Variants in DPYD observed in about 807,000 individuals in gnomAD.
DPYD encodes dihydropyrimidine dehydrogenase.
DPYD carries 109 observed loss-of-function variants against 116.2 expected under a neutral mutation model. The observed-to-expected ratio is 0.94, with a 90% CI of 0.80 to 1.10. The LOEUF (loss-of-function observed/expected upper bound fraction) is 1.10, where lower values mean the gene tolerates loss of function less well. Among genes scored for constraint, DPYD ranks in the 50% least tolerant of loss-of-function variants. The probability of loss-of-function intolerance (pLI) is 0.00; values close to 1 mark genes in which losing one functional copy is unlikely to be tolerated. For synonymous variants in DPYD, 440 were observed against 432.0 expected (o/e 1.02, Z -0.23); for missense variants, 1,302 against 1,254.5 (o/e 1.04, Z -0.57).
chr1:97,628,544 T>C (rs1339372681), intron 8 of DPYD, among the ~76,000 whole-genome samples: 1 of 152,096 alleles, frequency 6.6e-6, no homozygotes, highest in Non-Finnish European at 1.5e-5. Context: ...CAAACAATTC[T>C]ATCAAATAAC....
chr1:97,418,306 A>ATTT (rs71311934), intron 14 of DPYD, among the ~76,000 whole-genome samples: 3 of 144,058 alleles, frequency 2.1e-5, no homozygotes, highest in Non-Finnish European at 3.0e-5. Flanking sequence ...ATATAAGATG[A>ATTT]TTTTTTTTTT....
At chr1:97,502,689 T>C (rs898664205) in intron 13 of DPYD, among the ~76,000 whole-genome samples, 1 of 152,024 alleles carries the variant, frequency 6.6e-6, no homozygotes, top group African/African-American at 2.4e-5. Flanking sequence ...GGCTGTGATG[T>C]GGGTGGTACC....
At chr1:97,431,880 A>G (rs1675199001) in intron 14 of DPYD, among the ~76,000 whole-genome samples, 1 of 151,984 alleles carries the variant, frequency 6.6e-6, no homozygotes, top group African/African-American at 2.4e-5. Context: ...TACACTTCCC[A>G]GCCTCTGGTA....
chr1:97,231,867 AAG>A (rs760501258), intron 19 of DPYD, among the ~76,000 whole-genome samples: 7 of 152,208 alleles, frequency 4.6e-5, no homozygotes, highest in Non-Finnish European at 7.3e-5. Flanking sequence ...GACAATGAGC[AAG>A]AGTCTCTTCT....
chr1:97,637,476 A>G (rs1229139556), intron 8 of DPYD, among the ~76,000 whole-genome samples: 1 of 151,846 alleles, frequency 6.6e-6, no homozygotes, highest in Non-Finnish European at 1.5e-5. Context: ...GACACTGAAC[A>G]TAAGAGAGTA....
intron 16 of DPYD, among the ~76,000 whole-genome samples, chr1:97,343,258 T>C (rs1451125246): frequency 6.6e-6 from 1 of 152,062 alleles, no homozygotes; most frequent in Non-Finnish European, 1.5e-5. Context: ...CCACCATTAT[T>C]CTCTTCAATT....
chr1:97,773,428 T>A (rs183011271), intron 3 of DPYD, among the ~76,000 whole-genome samples: 1 of 152,202 alleles, frequency 6.6e-6, no homozygotes, highest in Admixed American at 6.5e-5. Flanking sequence ...TTGTCCCCGG[T>A]GAGGGTTCTA....
chr1:97,106,793 G>A lies in DPYD; in HGVS notation c.2623-8161C>T, dbSNP rs1182188369. On this transcript the variant is annotated intron_variant, in intron 20 of 22. Coordinates refer to ENST00000370192, the MANE Select transcript of DPYD (RefSeq NM_000110.4). ...GACTTCCTGGCCTCTATAACAACGT[G>A]AGCCAATTCCCATATTAAATTCCCT... Among the ~76,000 whole-genome samples the A allele has an allele frequency of 4.6e-5, 7 of 151,632 alleles. No individual in the cohort carries two copies. The East Asian group carries it at 1.2e-3, about 25-fold the overall frequency.
chr1:97,388,891 G>C (rs557770897), intron 14 of DPYD, among the ~76,000 whole-genome samples: 10 of 152,200 alleles, frequency 6.6e-5, no homozygotes, highest in East Asian at 5.8e-4. Flanking sequence ...ATGATGAATC[G>C]AGAGTACAAG....
At chr1:97,332,006 G>A (rs920779560) in intron 16 of DPYD, among the ~76,000 whole-genome samples, 21 of 152,090 alleles carry the variant, frequency 1.4e-4, no homozygotes, top group African/African-American at 5.1e-4. Context: ...TCGTATTCAA[G>A]GTTTACATAT....
intron 16 of DPYD, among the ~76,000 whole-genome samples, chr1:97,311,886 G>GAGAC (rs1379047119): frequency 6.6e-6 from 1 of 151,752 alleles, no homozygotes. Flanking sequence ...ATGGTCTTTA[G>GAGAC]AGACATATAT....
At chr1:97,692,738 T>C (rs1034380142) in intron 6 of DPYD, among the ~76,000 whole-genome samples, 35 of 152,268 alleles carry the variant, frequency 2.3e-4, no homozygotes, top group African/African-American at 8.4e-4. Context: ...CAAAAGATAA[T>C]TACATTTAGA....
intron 6 of DPYD, among the ~76,000 whole-genome samples, chr1:97,697,648 A>G (rs1661378996): frequency 6.6e-6 from 1 of 152,048 alleles, no homozygotes; most frequent in Non-Finnish European, 1.5e-5. Context: ...AAAAACCACC[A>G]TGTTTGGTCT....
chr1:97,081,697 TTTTTCTTTTC>T (rs759634269), intron 22 of DPYD, among the ~76,000 whole-genome samples: 14 of 147,648 alleles, frequency 9.5e-5, no homozygotes, highest in Admixed American at 2.7e-4. Context: ...TTTCTTTTTC[TTTTTCTTTTC>T]TTTTCTTTTC....
chr1:97,882,744 C>T (rs1672291962), intron 2 of DPYD, among the ~76,000 whole-genome samples: 1 of 151,966 alleles, frequency 6.6e-6, no homozygotes, highest in Admixed American at 6.6e-5. Flanking sequence ...TGCTCCTACA[C>T]CTCACCTGGA....
chr1:97,467,046 T>C (rs755840923), intron 13 of DPYD, among the ~76,000 whole-genome samples: 10 of 152,060 alleles, frequency 6.6e-5, no homozygotes, highest in East Asian at 3.9e-4. Context: ...AATAAGCAAA[T>C]TGATAAGCAA....
intron 18 of DPYD, among the ~76,000 whole-genome samples, chr1:97,257,564 T>C (rs1663582049): frequency 6.6e-6 from 1 of 151,672 alleles, no homozygotes; most frequent in Admixed American, 6.6e-5. Flanking sequence ...CGTATATATA[T>C]ATTTGTGTAT....
At chr1:97,627,013 C>T (rs1384685906) in intron 8 of DPYD, among the ~76,000 whole-genome samples, 2 of 151,994 alleles carry the variant, frequency 1.3e-5, no homozygotes, top group East Asian at 3.9e-4. Flanking sequence ...AATCTCAGAT[C>T]AGTGTGTCAG....
intron 16 of DPYD, among the ~76,000 whole-genome samples, chr1:97,320,599 G>A (rs1329533080): frequency 1.3e-5 from 1 of 79,624 alleles, no homozygotes; most frequent in African/African-American, 5.0e-5. Context: ...CAAACAAATG[G>A]AAGAACATTC....
Sources: allele counts gnomAD v4.1 joint callset (sites outside exome capture counted in the v4.1 genomes callset), GRCh38; gene constraint gnomAD v4.1.1; transcripts MANE v1.5; gene names NCBI Gene and HGNC (gene_info 2026-07-23, HGNC 2026-07-21).